Variants in RALGPS1 observed in about 807,000 individuals in gnomAD.
RALGPS1 encodes ras-specific guanine nucleotide-releasing factor RalGPS1.
A neutral mutation model predicts 78.8 loss-of-function variants in RALGPS1; 19 were observed. The observed-to-expected ratio is 0.24, with a 90% CI of 0.17 to 0.35. The LOEUF (loss-of-function observed/expected upper bound fraction) is 0.35, where lower values mean the gene tolerates loss of function less well. RALGPS1 is among the 10% of genes least tolerant of loss of function. RALGPS1 has a pLI of 1.00. For missense variants in RALGPS1, 454 were observed against 688.3 expected (o/e 0.66, Z 3.81); for synonymous variants, 228 against 256.3 (o/e 0.89, Z 1.06).
intron 8 of RALGPS1, among the ~76,000 whole-genome samples, chr9:127,131,940 T>A (rs1349384170): frequency 6.6e-6 from 1 of 152,136 alleles, no homozygotes; most frequent in African/African-American, 2.4e-5. Context: ...AGTTTCTGAT[T>A]CAGTAAATCT....
chr9:127,051,979 A>G (rs895511379), intron 6 of RALGPS1, among the ~76,000 whole-genome samples: 1 of 152,192 alleles, frequency 6.6e-6, no homozygotes, highest in African/African-American at 2.4e-5. Flanking sequence ...CTCATATTGT[A>G]CTGAGCTCCT....
At chr9:127,126,581 TCTC>T (rs1046005564) in intron 8 of RALGPS1, among the ~76,000 whole-genome samples, 5 of 152,244 alleles carry the variant, frequency 3.3e-5, no homozygotes, top group African/African-American at 1.2e-4. Context: ...TTGGATCACT[TCTC>T]CTTCCTGTCT....
At chr9:127,084,814 T>C (rs993147907) in intron 8 of RALGPS1, among the ~76,000 whole-genome samples, 1 of 152,262 alleles carries the variant, frequency 6.6e-6, no homozygotes, top group Admixed American at 6.5e-5. Context: ...ATCTTGTCCT[T>C]AGCCTTTGAA....
intron 8 of RALGPS1, among the ~76,000 whole-genome samples, chr9:127,095,798 T>C (rs1201500494): frequency 2.0e-5 from 3 of 152,240 alleles, no homozygotes; most frequent in Admixed American, 6.5e-5. Flanking sequence ...CAGAAAGATT[T>C]AGGTTTCTGG....
intron 2 of RALGPS1, among the ~76,000 whole-genome samples, chr9:126,964,672 T>C (rs1045180452): frequency 1.6e-5 from 2 of 125,602 alleles, no homozygotes; most frequent in Admixed American, 8.0e-5. Context: ...ATCTTAAGAG[T>C]TTTTGGTATA....
rs2059542462 is a variant in RALGPS1 at position 127,171,047 on chromosome 9, A to G, written c.842+2275A>G. ...ATGGCTTAGTTATTACCTTAGTGGC[A>G]TTGCATTGCTGACATTCTCCCCCAT... On this transcript the variant is annotated intron_variant, in intron 10 of 18. Coordinates refer to ENST00000259351, the MANE Select transcript of RALGPS1 (RefSeq NM_014636.3). Among the ~76,000 whole-genome samples the G allele has an allele frequency of 4.6e-5, 7 of 152,216 alleles. No individual in the cohort carries two copies. The South Asian group carries it at 1.4e-3, about 32-fold the overall frequency.
In RALGPS1 at chr9:126,914,819, C is replaced by T. The variant is rs535545140; in HGVS notation, c.-222C>T. The T allele has an allele frequency of 1.3e-5, 2 of 152,264 alleles. No individual in the cohort carries two copies. Among genetic ancestry groups the T allele is most frequent in the Admixed American group, 6.5e-5 (1 of 15,276 alleles). The allele number at this position is 152,264 out of a possible 1,614,324, so 9.4% of individuals were successfully genotyped here. ...GGACGGTTCCTACTGCGGCTGGGCA[C>T]CGGCTCCGCTCCCGCGTCTGCCCGC... On this transcript the variant is annotated 5_prime_UTR_variant, in exon 1 of 19. Transcript: ENST00000259351.
At chr9:127,132,406 A>G (rs1000411927) in intron 8 of RALGPS1, among the ~76,000 whole-genome samples, 1 of 152,180 alleles carries the variant, frequency 6.6e-6, no homozygotes, top group Non-Finnish European at 1.5e-5. Flanking sequence ...CCACAACAAA[A>G]CACCTGAAGC....
chr9:127,095,406 A>T (rs2417047), intron 8 of RALGPS1, among the ~76,000 whole-genome samples: 65,981 of 152,108 alleles, frequency 0.43, 15,280 homozygotes, highest in South Asian at 0.63. Context: ...CCGTCTCAAA[A>T]AAATAAATAA....
In RALGPS1 at chr9:126,920,030, G is replaced by C. The variant is rs548557600; in HGVS notation, c.-66+5055G>C. On this transcript the variant is annotated intron_variant, in intron 1 of 18. Coordinates refer to ENST00000259351, the MANE Select transcript of RALGPS1 (RefSeq NM_014636.3). ...TTTGTACTCCCTTGACTTTCATTCT[G>C]TGTGTACCTGGATCAGAGCACACAT... Among the ~76,000 whole-genome samples, 67 of 152,168 alleles carry C rather than the reference G, an allele frequency of 4.4e-4. 1 individual carries two copies. The South Asian group carries it at 8.9e-3, about 20-fold the overall frequency.
chr9:126,962,982 AG>A (rs1159337462), intron 2 of RALGPS1, among the ~76,000 whole-genome samples: 1 of 152,258 alleles, frequency 6.6e-6, no homozygotes, highest in Non-Finnish European at 1.5e-5. Context: ...AGGCTTTTGA[AG>A]TGATCCTGGG....
At chr9:126,940,710 T>C (rs1016228398) in intron 1 of RALGPS1, among the ~76,000 whole-genome samples, 2 of 152,186 alleles carry the variant, frequency 1.3e-5, no homozygotes, top group South Asian at 4.2e-4. Flanking sequence ...CTTATGCTGT[T>C]GTGTACAAAA....
intron 4 of RALGPS1, among the ~76,000 whole-genome samples, chr9:127,017,357 C>T (rs2044948226): frequency 2.0e-5 from 3 of 152,092 alleles, no homozygotes; most frequent in Admixed American, 2.0e-4. Flanking sequence ...TGTAGCTAAA[C>T]ATAGTTAAAC....
At chr9:126,920,360 A>G (rs1049171452) in intron 1 of RALGPS1, among the ~76,000 whole-genome samples, 3 of 152,130 alleles carry the variant, frequency 2.0e-5, no homozygotes, top group Admixed American at 6.5e-5. Flanking sequence ...GGTATGGCTG[A>G]TGATACTTGT....
At chr9:127,045,778 C>G (rs963264959) in intron 5 of RALGPS1, among the ~76,000 whole-genome samples, 1 of 150,832 alleles carries the variant, frequency 6.6e-6, no homozygotes, top group Non-Finnish European at 1.5e-5. Flanking sequence ...CACACACACA[C>G]ACACACACAC....
At chr9:127,168,516 T>C (rs1189227241) in intron 9 of RALGPS1, among the ~76,000 whole-genome samples, 163 bp from the exon 10 acceptor site, 1 of 152,198 alleles carries the variant, frequency 6.6e-6, no homozygotes, top group Non-Finnish European at 1.5e-5. Flanking sequence ...TCTGTTCCAG[T>C]GGCCAGCACA....
intron 14 of RALGPS1, among the ~76,000 whole-genome samples, chr9:127,204,627 A>G (rs942794812): frequency 2.6e-5 from 4 of 152,144 alleles, no homozygotes; most frequent in African/African-American, 9.7e-5. Context: ...GGCCCCTCTA[A>G]GAGGTCGCTG....
chr9:127,178,514 G>A (rs1369826546), intron 11 of RALGPS1: 78 of 985,796 alleles, frequency 7.9e-5, no homozygotes, highest in Non-Finnish European at 8.8e-5. Context: ...TATCATAATT[G>A]TCATATTGTG....
intron 8 of RALGPS1, among the ~76,000 whole-genome samples, chr9:127,114,992 A>G (rs1217164805): frequency 2.0e-5 from 3 of 152,192 alleles, no homozygotes; most frequent in Non-Finnish European, 4.4e-5. Flanking sequence ...GTAATCCAAG[A>G]TGTGGGAGGG....
Sources: allele counts gnomAD v4.1 joint callset (sites outside exome capture counted in the v4.1 genomes callset), GRCh38; gene constraint gnomAD v4.1.1; transcripts MANE v1.5; gene names NCBI Gene and HGNC (gene_info 2026-07-23, HGNC 2026-07-21).